Variants in ZC3H12B observed in about 807,000 individuals in gnomAD.
The protein encoded by ZC3H12B is zinc finger CCCH-type containing 12B, also known as probable ribonuclease ZC3H12B.
ZC3H12B carries 7 observed loss-of-function variants against 43.9 expected under a neutral mutation model. That is an observed-to-expected ratio of 0.16 (90% confidence interval 0.09 to 0.30). The LOEUF is 0.30. ZC3H12B is among the 10% of genes least tolerant of loss of function. The pLI is 1.00. For synonymous variants in ZC3H12B, 222 were observed against 241.7 expected, an observed-to-expected ratio of 0.92 and a Z score of 0.76; for missense variants, 475 against 670.2, an observed-to-expected ratio of 0.71 and a Z score of 3.22.
At chrX:65,149,989 T>G in the ZC3H12B span, among the ~76,000 whole-genome samples, 1 of 109,670 alleles carries the variant, frequency 9.1e-6, no homozygotes, top group East Asian at 2.9e-4. Flanking sequence ...CTGACTTTAT[T>G]AAAAACTATT....
the ZC3H12B span, among the ~76,000 whole-genome samples, chrX:65,220,343 G>A: frequency 6.3e-5 from 7 of 111,279 alleles, no homozygotes; most frequent in South Asian, 2.6e-3. Flanking sequence ...AATAGAATAA[G>A]ACCTCACATC....
At chrX:65,181,973 T>C in the ZC3H12B span, among the ~76,000 whole-genome samples, 2 of 111,787 alleles carry the variant, frequency 1.8e-5, no homozygotes, top group African/African-American at 6.5e-5. Context: ...TGCAGCACTG[T>C]GTACAATAGC....
the ZC3H12B span, among the ~76,000 whole-genome samples, chrX:65,134,607 G>T: frequency 9.0e-6 from 1 of 111,477 alleles, no homozygotes; most frequent in Non-Finnish European, 1.9e-5. Flanking sequence ...TGGGCTGGTT[G>T]GTCTGAGGAC....
chrX:65,502,420 G>A (rs879081355), exon 5 of ZC3H12B: 2 of 1,211,077 alleles, frequency 1.7e-6, no homozygotes, highest in Non-Finnish European at 2.2e-6. Context: ...ACCGGGGGGT[G>A]TATGCCCGGA....
At chrX:65,395,174 C>A (rs772020165) in intron 2 of ZC3H12B, among the ~76,000 whole-genome samples, 60 of 111,822 alleles carry the variant, frequency 5.4e-4, no homozygotes, top group Non-Finnish European at 1.1e-3. Flanking sequence ...TTGACTTCCT[C>A]TCTTCCTATT....
chrX:65,272,283 A>T, the ZC3H12B span: 2 of 109,643 alleles, frequency 1.8e-5, no homozygotes, highest in Non-Finnish European at 3.8e-5. Context: ...AAAAAAAAAA[A>T]AACTGGAGAT....
At chrX:65,152,962 G>C in the ZC3H12B span, among the ~76,000 whole-genome samples, 1 of 111,848 alleles carries the variant, frequency 8.9e-6, no homozygotes, top group African/African-American at 3.3e-5. Context: ...TGACAAACCT[G>C]AGAAACACAA....
At chrX:65,119,911 C>G in the ZC3H12B span, among the ~76,000 whole-genome samples, 1 of 111,945 alleles carries the variant, frequency 8.9e-6, no homozygotes, top group Non-Finnish European at 1.9e-5. Flanking sequence ...GGAACCCTTT[C>G]CCCATTTCTG....
the ZC3H12B span, among the ~76,000 whole-genome samples, chrX:65,250,487 T>C: frequency 8.9e-6 from 1 of 111,938 alleles, no homozygotes; most frequent in Non-Finnish European, 1.9e-5. Flanking sequence ...GCATTTCTAT[T>C]TCTAGATCCT....
At chrX:65,230,390 G>T in the ZC3H12B span, among the ~76,000 whole-genome samples, 1 of 108,917 alleles carries the variant, frequency 9.2e-6, no homozygotes, top group Non-Finnish European at 1.9e-5. Flanking sequence ...GTTGTGGGAT[G>T]GGGGGAAGGG....
chrX:65,468,814 A>G (rs1171220003), intron 3 of ZC3H12B, among the ~76,000 whole-genome samples: 1 of 109,858 alleles, frequency 9.1e-6, no homozygotes, highest in African/African-American at 3.3e-5. Context: ...TAGGAATTGC[A>G]CTGAATCTGT....
chrX:65,188,503 G>A, the ZC3H12B span, among the ~76,000 whole-genome samples: 2 of 109,861 alleles, frequency 1.8e-5, no homozygotes, highest in Admixed American at 9.8e-5. Flanking sequence ...TTGAATATAG[G>A]CCATTTTAAC....
the ZC3H12B span, among the ~76,000 whole-genome samples, chrX:65,137,939 C>T: frequency 2.7e-5 from 3 of 112,258 alleles, no homozygotes; most frequent in East Asian, 8.4e-4. Flanking sequence ...AGTGATTGTC[C>T]TGCCTCAGTC....
At chrX:65,150,367 G>C in the ZC3H12B span, among the ~76,000 whole-genome samples, 1 of 106,993 alleles carries the variant, frequency 9.3e-6, no homozygotes, top group East Asian at 2.9e-4. Flanking sequence ...GAATATTTCA[G>C]TTTTTTTTTT....
At chrX:65,283,686 G>T in the ZC3H12B span, among the ~76,000 whole-genome samples, 1 of 111,677 alleles carries the variant, frequency 9.0e-6, no homozygotes, top group East Asian at 2.8e-4. Context: ...GCTAGCACTA[G>T]ATTCCACACC....
At chrX:65,132,398 G>A in the ZC3H12B span, among the ~76,000 whole-genome samples, 1 of 110,746 alleles carries the variant, frequency 9.0e-6, no homozygotes, top group African/African-American at 3.3e-5. Flanking sequence ...TGGGATACTG[G>A]CATTGAGCGG....
chrX:65,170,004 C>G, the ZC3H12B span, among the ~76,000 whole-genome samples: 1 of 111,851 alleles, frequency 8.9e-6, no homozygotes, highest in African/African-American at 3.3e-5. Context: ...CAGTCTGTGT[C>G]TTTTAATTGG....
At chrX:65,328,005 G>A in the ZC3H12B span, 1 of 251,784 alleles carries the variant, frequency 4.0e-6, no homozygotes, top group East Asian at 9.9e-5. Flanking sequence ...GCTTTACAGT[G>A]GTACTCAGGA....
exon 5 of ZC3H12B, chrX:65,502,029 C>G: frequency 6.6e-6 from 8 of 1,210,471 alleles, no homozygotes; most frequent in Non-Finnish European, 8.9e-6. Context: ...CGGTCTGTGG[C>G]TATGGAGCCT....
Sources: gnomAD v4.1 joint callset for allele counts (sites outside exome capture counted in the v4.1 genomes callset) on GRCh38, gnomAD v4.1.1 for gene constraint, MANE v1.5 for transcripts, NCBI Gene and HGNC (gene_info 2026-07-23, HGNC 2026-07-21) for gene names.